Variants in U2SURP observed in about 807,000 individuals in gnomAD.
U2SURP encodes U2 snRNP associated SURP domain containing, also known as U2 snRNP-associated SURP motif-containing protein.
In U2SURP, 9 loss-of-function variants were observed where a neutral mutation model predicts 144.9. The observed-to-expected ratio is 0.06, with a 90% CI of 0.04 to 0.11. The LOEUF (loss-of-function observed/expected upper bound fraction) is 0.11, where lower values mean the gene tolerates loss of function less well. Ranked by LOEUF, U2SURP falls within the 10% of genes least tolerant of loss-of-function variation. The pLI is 1.00. For missense variants in U2SURP, 724 were observed against 1,226.7 expected (o/e 0.59, Z 6.12); for synonymous variants, 408 against 396.8 (o/e 1.03, Z -0.33).
chr3:143,021,696 C>T, intron 10 of U2SURP, 141 bp downstream of exon 10: 2 of 756,844 alleles, frequency 2.6e-6, no homozygotes, highest in Non-Finnish European at 4.3e-6. Flanking sequence ...ACTGGTATGG[C>T]CCAGGTTGTC....
At chr3:143,014,262 T>C (rs1432379304) in intron 3 of U2SURP, 49 bp from the exon 4 acceptor site, 1 of 1,294,416 alleles carries the variant, frequency 7.7e-7, no homozygotes, top group African/African-American at 1.5e-5. Flanking sequence ...ATTAAAGTTT[T>C]AGATAGCATT....
intron 1 of U2SURP, 27 bp from the exon 2 acceptor site, chr3:143,010,788 A>T: frequency 6.3e-7 from 1 of 1,577,680 alleles, no homozygotes; most frequent in Non-Finnish European, 8.7e-7. Context: ...ATTTTAAATT[A>T]TTGACTTTTA....
chr3:143,037,097 G>T, intron 20 of U2SURP, 82 bp from the exon 21 acceptor site: 1 of 1,375,392 alleles, frequency 7.3e-7, no homozygotes. Flanking sequence ...ATGTTGGCTT[G>T]TACTGGATTA....
chr3:143,049,116 A>C (rs1338673243), intron 24 of U2SURP, among the ~76,000 whole-genome samples: 3 of 150,872 alleles, frequency 2.0e-5, no homozygotes, highest in Non-Finnish European at 4.4e-5. Flanking sequence ...AAAAAGATTC[A>C]AAAATTAGGC....
intron 8 of U2SURP, among the ~76,000 whole-genome samples, chr3:143,020,957 C>T (rs1349764642): frequency 1.3e-5 from 2 of 152,028 alleles, no homozygotes; most frequent in Non-Finnish European, 2.9e-5. Flanking sequence ...TTTGGGAGGC[C>T]GAGGCAAGTG....
At chr3:143,006,216 T>C (rs1446258591) in intron 1 of U2SURP, among the ~76,000 whole-genome samples, 1 of 152,252 alleles carries the variant, frequency 6.6e-6, no homozygotes, top group Non-Finnish European at 1.5e-5. Flanking sequence ...TAACTTTATT[T>C]ATATAGTGCT....
intron 24 of U2SURP, among the ~76,000 whole-genome samples, chr3:143,047,651 G>T (rs1297451316): frequency 4.0e-5 from 2 of 49,678 alleles, no homozygotes; most frequent in Non-Finnish European, 3.6e-5. Flanking sequence ...CCTCCCGGAC[G>T]GGGCGGCTGG....
At chr3:143,026,568 T>TA (rs1933159288) in intron 13 of U2SURP, 1 of 152,112 alleles carries the variant, frequency 6.6e-6, no homozygotes, top group Admixed American at 6.6e-5. Flanking sequence ...TCAGATTTAA[T>TA]AAAAAATGCA....
chr3:143,005,895 A>G (rs1275611246), intron 1 of U2SURP, among the ~76,000 whole-genome samples: 1 of 152,154 alleles, frequency 6.6e-6, no homozygotes, highest in Non-Finnish European at 1.5e-5. Flanking sequence ...TTGCTACAAG[A>G]TATTAAAATC....
chr3:143,026,168 A>G (rs911051784), intron 13 of U2SURP: 4 of 152,120 alleles, frequency 2.6e-5, no homozygotes, highest in African/African-American at 4.8e-5. Context: ...ACCATAATCA[A>G]TGTCCAAAAT....
chr3:143,047,657 G>A (rs1439407247), intron 24 of U2SURP, among the ~76,000 whole-genome samples: 15 of 47,866 alleles, frequency 3.1e-4, no homozygotes, highest in East Asian at 7.8e-4. Flanking sequence ...GGACGGGGCG[G>A]CTGGCCGGGC....
rs1030811805 is a variant in U2SURP at position 143,057,978 on chromosome 3, A to G, written c.*1528A>G. ...ACTTAATGGTTCTTATCAGCATGCA[A>G]ATATTGCTTGAAAGTTATTTCCTTA... On this transcript the variant is annotated 3_prime_UTR_variant, in exon 28 of 28. Coordinates refer to ENST00000473835, the MANE Select transcript of U2SURP (RefSeq NM_001080415.2). 5.3e-5 allele frequency: 8 copies of G among 152,358 alleles called. No individual in the cohort carries two copies. The highest frequency in any genetic ancestry group is 1.0e-4 in the Non-Finnish European group (7 of 67,820). 9.4% of individuals were successfully genotyped at this position (152,358 alleles called of 1,614,324 possible). A position where few individuals can be genotyped will look rare whatever the true frequency, so the allele number is the denominator to read the frequency against.
intron 2 of U2SURP, chr3:143,011,975 A>G (rs1298797133): frequency 1.6e-6 from 1 of 606,440 alleles, no homozygotes; most frequent in Admixed American, 2.1e-5. Flanking sequence ...AAGGTAACGA[A>G]CCTGTTACTT....
intron 1 of U2SURP, among the ~76,000 whole-genome samples, chr3:143,006,657 G>A (rs1051766976): frequency 3.3e-5 from 5 of 152,060 alleles, no homozygotes; most frequent in African/African-American, 1.2e-4. Flanking sequence ...CAGGAGAATC[G>A]CTTGAACCTG....
chr3:143,010,523 A>G (rs1936070231), intron 1 of U2SURP, among the ~76,000 whole-genome samples: 1 of 152,204 alleles, frequency 6.6e-6, no homozygotes. Context: ...CTGTGTAAAA[A>G]TGGTGGTTAG....
intron 25 of U2SURP, among the ~76,000 whole-genome samples, chr3:143,053,235 G>A (rs1934977692): frequency 6.6e-6 from 1 of 152,118 alleles, no homozygotes; most frequent in African/African-American, 2.4e-5. Context: ...TTTTCGGCAG[G>A]TGGGACAGTG....
At chr3:143,004,577 C>CCCCCCA (rs1935732949) in intron 1 of U2SURP, among the ~76,000 whole-genome samples, 1 of 76,972 alleles carries the variant, frequency 1.3e-5, no homozygotes, top group Non-Finnish European at 2.4e-5. Flanking sequence ...CTTGTGACCC[C>CCCCCCA]CCCCCCCCGC....
chr3:143,010,636 T>G (rs1349693115), intron 1 of U2SURP, among the ~76,000 whole-genome samples, 179 bp from the exon 2 acceptor site: 1 of 152,212 alleles, frequency 6.6e-6, no homozygotes, highest in Admixed American at 6.5e-5. Flanking sequence ...AAGAAATGAC[T>G]TACACATTTA....
chr3:143,034,249 CAA>C (rs2108296579), intron 18 of U2SURP, among the ~76,000 whole-genome samples: 1 of 152,164 alleles, frequency 6.6e-6, no homozygotes, highest in African/African-American at 2.4e-5. Flanking sequence ...AGTAAAAATA[CAA>C]AGATTAGCTG....
Sources: allele counts gnomAD v4.1 joint callset (sites outside exome capture counted in the v4.1 genomes callset), GRCh38; gene constraint gnomAD v4.1.1; transcripts MANE v1.5; gene names NCBI Gene and HGNC (gene_info 2026-07-23, HGNC 2026-07-21).